TXLNB: variants seen among roughly 807,000 people sequenced by gnomAD.
TXLNB encodes beta-taxilin.
In TXLNB, 37 loss-of-function variants were observed where a neutral mutation model predicts 57.4. The observed-to-expected ratio is 0.64, with a 90% CI of 0.50 to 0.85. TXLNB has a LOEUF of 0.85. Among genes scored for constraint, TXLNB ranks in the 40% least tolerant of loss-of-function variants. TXLNB has a pLI of 0.00. For missense variants in TXLNB, 848 were observed against 825.6 expected, an observed-to-expected ratio of 1.03 and a Z score of -0.33; for synonymous variants, 302 against 309.6, an observed-to-expected ratio of 0.98 and a Z score of 0.26.
chr6:139,310,293 G>T, the TXLNB span, among the ~76,000 whole-genome samples: 1 of 152,112 alleles, frequency 6.6e-6, no homozygotes. Flanking sequence ...AAAAACAAAG[G>T]ATCTGATTTA....
intron 9 of TXLNB, among the ~76,000 whole-genome samples, chr6:139,244,039 C>G (rs1327352081): frequency 3.3e-5 from 5 of 152,120 alleles, no homozygotes; most frequent in African/African-American, 1.2e-4. Flanking sequence ...GTAAGCCCTA[C>G]CTCTCAGGTC....
chr6:139,249,119 G>A (rs370820763), intron 7 of TXLNB, among the ~76,000 whole-genome samples: 10 of 152,364 alleles, frequency 6.6e-5, no homozygotes, highest in Admixed American at 1.3e-4. Context: ...TCACCATGGA[G>A]ATATAGCGAG....
intron 6 of TXLNB, among the ~76,000 whole-genome samples, chr6:139,257,778 C>G (rs979922784): frequency 1.2e-4 from 18 of 152,302 alleles, no homozygotes; most frequent in Admixed American, 4.6e-4. Context: ...AAAAAACTAA[C>G]AATAAAATCA....
chr6:139,184,813 AG>A, the TXLNB span, among the ~76,000 whole-genome samples: 1 of 152,080 alleles, frequency 6.6e-6, no homozygotes, highest in Non-Finnish European at 1.5e-5. Context: ...CAGACTGTTG[AG>A]GGTTGCTTGA....
the TXLNB span, among the ~76,000 whole-genome samples, chr6:139,161,843 C>A: frequency 6.6e-6 from 1 of 152,188 alleles, no homozygotes; most frequent in Non-Finnish European, 1.5e-5. Flanking sequence ...AAGATAAAAA[C>A]AACTACACTT....
chr6:139,310,841 C>T, the TXLNB span, among the ~76,000 whole-genome samples: 9 of 152,188 alleles, frequency 5.9e-5, no homozygotes, highest in East Asian at 1.7e-3. Flanking sequence ...ATTACAGGCA[C>T]TGGCCACCAT....
chr6:139,224,139 C>T, the TXLNB span, among the ~76,000 whole-genome samples: 1 of 150,006 alleles, frequency 6.7e-6, no homozygotes, highest in Non-Finnish European at 1.5e-5. Flanking sequence ...AGTTCATGTC[C>T]TTTGTAGGGA....
chr6:139,191,428 T>A, the TXLNB span, among the ~76,000 whole-genome samples: 1,382 of 152,120 alleles, frequency 9.1e-3, 18 homozygotes, highest in African/African-American at 0.032. Context: ...TCAAAAAAAA[T>A]AAAAATAAAA....
At chr6:139,267,649 T>C (rs2114544375) in intron 4 of TXLNB, among the ~76,000 whole-genome samples, 1 of 152,232 alleles carries the variant, frequency 6.6e-6, no homozygotes, top group South Asian at 2.1e-4. Flanking sequence ...GTACATTATA[T>C]GTTAATGGAC....
the TXLNB span, among the ~76,000 whole-genome samples, chr6:139,208,233 G>GGAA: frequency 2.0e-5 from 3 of 151,888 alleles, no homozygotes; most frequent in Non-Finnish European, 2.9e-5. Flanking sequence ...AACCCTTCTA[G>GGAA]ATTAAATCAG....
At chr6:139,192,767 AC>A in the TXLNB span, among the ~76,000 whole-genome samples, 2 of 143,180 alleles carry the variant, frequency 1.4e-5, no homozygotes, top group Non-Finnish European at 3.1e-5. Context: ...ACACAGTAAA[AC>A]CCCGTCTCTA....
At chr6:139,165,525 C>G in the TXLNB span, among the ~76,000 whole-genome samples, 2 of 151,582 alleles carry the variant, frequency 1.3e-5, no homozygotes, top group African/African-American at 2.4e-5. Context: ...GGAATAGATT[C>G]ACTTCCCTAA....
chr6:139,197,340 T>C, the TXLNB span, among the ~76,000 whole-genome samples: 1 of 133,482 alleles, frequency 7.5e-6, no homozygotes, highest in Admixed American at 7.7e-5. Context: ...TTCCTCACTA[T>C]AATGCAAGCT....
At chr6:139,215,315 A>C in the TXLNB span, among the ~76,000 whole-genome samples, 1 of 152,162 alleles carries the variant, frequency 6.6e-6, no homozygotes, top group Non-Finnish European at 1.5e-5. Flanking sequence ...CCTCAGAAAT[A>C]ATGCCACATA....
At chr6:139,166,281 C>T in the TXLNB span, 1 of 1,585,744 alleles carries the variant, frequency 6.3e-7, no homozygotes, top group Non-Finnish European at 8.6e-7. Flanking sequence ...ATTCCTCCCC[C>T]AGAAGCCCCA....
At chr6:139,239,832 T>C (rs1775883500), downstream of TXLNB, among the ~76,000 whole-genome samples, 1 of 150,492 alleles carries the variant, frequency 6.6e-6, no homozygotes, top group Non-Finnish European at 1.5e-5. This position sits in a 1 kb window ranked among gnomAD's most constrained non-coding sequence, Gnocchi z 4.7. Context: ...TTGTTATTTC[T>C]CCCTCCCTTT....
the TXLNB span, among the ~76,000 whole-genome samples, chr6:139,323,095 TAAG>T: frequency 6.6e-6 from 1 of 152,180 alleles, no homozygotes. Flanking sequence ...GTCATTTCAG[TAAG>T]AAGTTTCATT....
chr6:139,200,456 C>G, the TXLNB span, among the ~76,000 whole-genome samples: 2 of 152,092 alleles, frequency 1.3e-5, no homozygotes, highest in African/African-American at 4.8e-5. Context: ...TAGCGAGGAC[C>G]CTGTCTAGCA....
At position 139,288,658 on chromosome 6, in the gene TXLNB, C is replaced by A. The variant is rs774594417; in HGVS notation, c.242G>T (p.Gly81Val). The change falls in exon 2 of 10, where the codon GGC becomes GTC. Residue 81 changes from glycine to valine, a missense_variant. Gly to Val is a moderately radical substitution (Grantham distance 109). Transcript: ENST00000358430. The stretch of plus-strand genomic sequence containing the variant: ...AGGCTGCTCACTGGCCCTGGCAGAG[C>A]CCTCTTTCCCTGCTGTGCTGGCAGC... ...GSAASTAGKEGSARASEQPEN... is the reference protein window; with the variant it reads ...GSAASTAGKEVSARASEQPEN... 1.2e-6 allele frequency: 2 copies of A among 1,614,198 alleles called. No individual in the cohort carries two copies. The highest frequency in any genetic ancestry group is 1.7e-6 in the Non-Finnish European group (2 of 1,180,032).
Sources: gnomAD v4.1 joint callset for allele counts (sites outside exome capture counted in the v4.1 genomes callset) on GRCh38, gnomAD v4.1.1 for gene constraint, Gnocchi (gnomAD v3.1) non-coding constraint, MANE v1.5 for transcripts, NCBI Gene and HGNC (gene_info 2026-07-23, HGNC 2026-07-21) for gene names.